Variants in NSUN6 observed in about 807,000 individuals in gnomAD.
The protein encoded by NSUN6 is tRNA (cytosine(72)-C(5))-methyltransferase NSUN6.
NSUN6 carries 64 observed loss-of-function variants against 58.0 expected under a neutral mutation model. That is an observed-to-expected ratio of 1.10 (90% CI 0.90 to 1.36). NSUN6 has a LOEUF of 1.36. NSUN6 is among the 40% of genes most tolerant of loss of function. NSUN6 has a pLI of 0.00. For synonymous variants in NSUN6, 231 were observed against 193.9 expected (o/e 1.19, Z -1.59); for missense variants, 701 against 550.1 (o/e 1.27, Z -2.74).
chr10:18,651,423 C>T lies in NSUN6; in HGVS notation c.-220G>A. 1 of 1,239,254 alleles carries T rather than the reference C, an allele frequency of 8.1e-7. No individual in the cohort carries two copies. Among genetic ancestry groups the T allele is most frequent in the Non-Finnish European group, 1.0e-6 (1 of 990,730 alleles). 76.8% of individuals were successfully genotyped at this position (1,239,254 alleles called of 1,614,324 possible). A position where few individuals can be genotyped will look rare whatever the true frequency, so the allele number is the denominator to read the frequency against. ...GGGCTTCCACCACACCTCATCGAGGCAATGTTTTCTGGTAGAGATGCTCAT... is the reference window on the plus strand; with the variant it reads ...GGGCTTCCACCACACCTCATCGAGGTAATGTTTTCTGGTAGAGATGCTCAT... On this transcript the variant is annotated 5_prime_UTR_variant, in exon 1 of 11. Coordinates refer to ENST00000377304, the MANE Select transcript of NSUN6 (RefSeq NM_182543.5).
chr10:18,634,697 G>A (rs901656809), intron 3 of NSUN6, among the ~76,000 whole-genome samples: 9 of 152,124 alleles, frequency 5.9e-5, no homozygotes, highest in African/African-American at 2.2e-4. Context: ...AGGAGGCGGA[G>A]CTTGCAGTGA....
chr10:18,632,286 T>C (rs1408852734), intron 3 of NSUN6, among the ~76,000 whole-genome samples: 3 of 147,362 alleles, frequency 2.0e-5, no homozygotes, highest in Non-Finnish European at 3.0e-5. Context: ...ACGTTAGACC[T>C]AAAACCATAA....
At position 18,651,403 on chromosome 10, in the gene NSUN6, TCCA is replaced by T; in HGVS notation, c.-203_-201del. On this transcript the variant is annotated 5_prime_UTR_variant, in exon 1 of 11. Transcript: ENST00000377304. ...GCCGATTAGAAGGGGCTGCCGGGCT[TCCA>T]CCACACCTCATCGAGGCAATGTTTT... is the stretch of plus-strand genomic sequence containing the variant. The T allele has an allele frequency of 2.3e-6, 3 of 1,288,082 alleles. No individual in the cohort carries two copies. Among genetic ancestry groups the T allele is most frequent in the Non-Finnish European group, 2.0e-6 (2 of 1,020,118 alleles). The allele number at this position is 1,288,082 out of a possible 1,614,324, so 79.8% of individuals were successfully genotyped here. A position where few individuals can be genotyped will look rare whatever the true frequency, so the allele number is the denominator to read the frequency against.
intron 3 of NSUN6, among the ~76,000 whole-genome samples, chr10:18,620,124 G>A (rs2058552351): frequency 6.7e-6 from 1 of 148,710 alleles, no homozygotes; most frequent in South Asian, 2.1e-4. Context: ...GTCTAGCTCT[G>A]TCTCCCAGGC....
intron 3 of NSUN6, among the ~76,000 whole-genome samples, chr10:18,623,546 A>T (rs2058683131): frequency 6.6e-6 from 1 of 152,230 alleles, no homozygotes; most frequent in Non-Finnish European, 1.5e-5. Flanking sequence ...CCAGGACCAC[A>T]GGCTTAGTGG....
At chr10:18,572,055 C>T (rs1168756149) in intron 8 of NSUN6, among the ~76,000 whole-genome samples, 2 of 150,650 alleles carry the variant, frequency 1.3e-5, no homozygotes, top group East Asian at 3.9e-4. Context: ...CATTCCATTT[C>T]CCACTGAATT....
intron 8 of NSUN6, among the ~76,000 whole-genome samples, chr10:18,573,306 T>C (rs149704199): frequency 9.3e-4 from 141 of 151,968 alleles, no homozygotes; most frequent in African/African-American, 2.9e-3. Context: ...CATTCTCCAT[T>C]CCATTCCATT....
At chr10:18,579,523 T>C (rs1174514092) in intron 8 of NSUN6, among the ~76,000 whole-genome samples, 1 of 152,194 alleles carries the variant, frequency 6.6e-6, no homozygotes, top group Non-Finnish European at 1.5e-5. Context: ...CCTGTGTGAA[T>C]GCAAAATATC....
intron 3 of NSUN6, among the ~76,000 whole-genome samples, chr10:18,629,659 G>A (rs901960749): frequency 4.0e-5 from 6 of 151,776 alleles, no homozygotes; most frequent in African/African-American, 7.3e-5. Context: ...GACAAAGAAG[G>A]TCATTACATA....
At chr10:18,610,971 G>A (rs1436636879) in intron 5 of NSUN6, among the ~76,000 whole-genome samples, 1 of 152,096 alleles carries the variant, frequency 6.6e-6, no homozygotes, top group Non-Finnish European at 1.5e-5. Context: ...TGAGAGACTG[G>A]CACAGGAGGA....
At chr10:18,588,562 T>C (rs553963651) in intron 7 of NSUN6, among the ~76,000 whole-genome samples, 1 of 152,168 alleles carries the variant, frequency 6.6e-6, no homozygotes, top group African/African-American at 2.4e-5. Flanking sequence ...CCCTTTCAGA[T>C]GAAGCTTCCA....
chr10:18,620,906 T>C (rs2058582429), intron 3 of NSUN6, among the ~76,000 whole-genome samples: 1 of 152,218 alleles, frequency 6.6e-6, no homozygotes, highest in Non-Finnish European at 1.5e-5. Flanking sequence ...TAGTGTTAGA[T>C]TTTATGAAAA....
intron 8 of NSUN6, among the ~76,000 whole-genome samples, chr10:18,562,745 G>C (rs1387367010): frequency 2.7e-5 from 4 of 149,374 alleles, no homozygotes; most frequent in African/African-American, 7.4e-5. Context: ...ATGGAATGGA[G>C]AATGAACTGG....
intron 7 of NSUN6, among the ~76,000 whole-genome samples, chr10:18,586,689 G>A (rs1159559830): frequency 2.6e-5 from 4 of 152,230 alleles, no homozygotes; most frequent in African/African-American, 9.6e-5. Context: ...CAAAGGTAGT[G>A]CAGACCCAAA....
rs2131611918 is a variant in NSUN6 at position 18,651,227 on chromosome 10, CCA to C, written c.-26_-25del. The C allele has an allele frequency of 3.9e-6, 6 of 1,530,094 alleles. No homozygotes were observed. In the East Asian group the frequency reaches 1.5e-4, roughly 37 times the overall value. 94.8% of individuals were successfully genotyped at this position (1,530,094 alleles called of 1,614,324 possible). A position where few individuals can be genotyped will look rare whatever the true frequency, so the allele number is the denominator to read the frequency against. ...ATTTTTCCTGTTGTTTAGTTCTCCACCAAGAGAAATGCTGGAAAACGGTGTTT... is the reference window on the plus strand; with the variant it reads ...ATTTTTCCTGTTGTTTAGTTCTCCACAGAGAAATGCTGGAAAACGGTGTTT... On this transcript the variant is annotated 5_prime_UTR_variant, in exon 1 of 11. Coordinates refer to ENST00000377304, the MANE Select transcript of NSUN6 (RefSeq NM_182543.5).
chr10:18,599,035 C>T (rs890565417), intron 6 of NSUN6, among the ~76,000 whole-genome samples: 1 of 152,008 alleles, frequency 6.6e-6, no homozygotes, highest in South Asian at 2.1e-4. Flanking sequence ...ATTCAAATAG[C>T]AGGCTTATTT....
intron 7 of NSUN6, among the ~76,000 whole-genome samples, chr10:18,591,264 C>T (rs1246423589): frequency 6.6e-6 from 1 of 152,016 alleles, no homozygotes; most frequent in African/African-American, 2.4e-5. Flanking sequence ...TAAAAAAAGC[C>T]CAGGACCAGA....
At chr10:18,653,388 T>C (rs1283747066), upstream of NSUN6, 2 of 912,650 alleles carry the variant, frequency 2.2e-6, no homozygotes, top group African/African-American at 3.6e-5. Flanking sequence ...TTTTGTTTGT[T>C]TGAGATGGAG....
At chr10:18,555,523 G>A (rs2054931080) in intron 8 of NSUN6, among the ~76,000 whole-genome samples, 1 of 150,758 alleles carries the variant, frequency 6.6e-6, no homozygotes, top group South Asian at 2.1e-4. Context: ...GGAATGGAAG[G>A]GAGCATGGAA....
Sources: gnomAD v4.1 joint callset for allele counts (sites outside exome capture counted in the v4.1 genomes callset) on GRCh38, gnomAD v4.1.1 for gene constraint, MANE v1.5 for transcripts, NCBI Gene and HGNC (gene_info 2026-07-23, HGNC 2026-07-21) for gene names.